The following COL21A1 variants were observed in gnomAD, a reference collection of about 807,000 sequenced individuals.
The protein encoded by COL21A1 is collagen type XXI alpha 1 chain.
A neutral mutation model predicts 137.9 loss-of-function variants in COL21A1; 149 were observed. The ratio of observed to expected loss-of-function variants is 1.08; its 90% CI spans 0.95 to 1.24. The LOEUF is 1.24. Among genes scored for constraint, COL21A1 ranks in the 50% most tolerant of loss-of-function variants. The pLI is 0.00. For missense variants in COL21A1, 1,167 were observed against 1,158.4 expected (o/e 1.01, Z -0.11); for synonymous variants, 456 against 391.5 (o/e 1.16, Z -1.95).
intron 10 of COL21A1, among the ~76,000 whole-genome samples, chr6:56,143,409 C>T (rs1228342464): frequency 1.3e-5 from 2 of 151,882 alleles, no homozygotes; most frequent in Non-Finnish European, 2.9e-5. Context: ...ACCATGTTAG[C>T]CAGGATGGTC....
At chr6:56,291,478 C>A (rs772514492) in intron 1 of COL21A1, among the ~76,000 whole-genome samples, 7 of 152,228 alleles carry the variant, frequency 4.6e-5, no homozygotes, top group Non-Finnish European at 8.8e-5. Flanking sequence ...CCACTTCTGG[C>A]CTTGCAGTCT....
At chr6:56,218,279 A>T (rs1048040730) in intron 1 of COL21A1, among the ~76,000 whole-genome samples, 20 of 146,802 alleles carry the variant, frequency 1.4e-4, no homozygotes, top group African/African-American at 5.0e-4. Flanking sequence ...TTCCTAGCAT[A>T]AAAGTATATG....
intron 1 of COL21A1, among the ~76,000 whole-genome samples, chr6:56,227,617 T>C (rs1226240176): frequency 6.6e-6 from 1 of 152,030 alleles, no homozygotes; most frequent in Non-Finnish European, 1.5e-5. Flanking sequence ...AGATAAAATT[T>C]AATACATATT....
intron 9 of COL21A1, among the ~76,000 whole-genome samples, chr6:56,164,104 T>C (rs941261964): frequency 2.0e-5 from 3 of 152,226 alleles, no homozygotes; most frequent in South Asian, 2.1e-4. Context: ...ATGCCCTTTC[T>C]TCATTTTTTA....
intron 10 of COL21A1, among the ~76,000 whole-genome samples, chr6:56,150,390 C>A (rs62413548): frequency 6.6e-5 from 10 of 151,980 alleles, no homozygotes; most frequent in Admixed American, 3.3e-4. Context: ...TGGTGGCGGG[C>A]GCTTGTAGTC....
chr6:56,374,440 G>C (rs958347745), intron 1 of COL21A1, among the ~76,000 whole-genome samples: 8 of 152,088 alleles, frequency 5.3e-5, no homozygotes, highest in Non-Finnish European at 1.2e-4. Context: ...TAAGTAAAAG[G>C]GATCTTGTGT....
At chr6:56,166,796 TA>T in intron 7 of COL21A1, 109 bp downstream of exon 7, 1 of 854,534 alleles carries the variant, frequency 1.2e-6, no homozygotes, top group Non-Finnish European at 1.9e-6. Flanking sequence ...CATTAAAAAA[TA>T]AAATTAAGTC....
chr6:56,336,628 A>C (rs1765334345), intron 1 of COL21A1, among the ~76,000 whole-genome samples: 1 of 152,218 alleles, frequency 6.6e-6, no homozygotes, highest in African/African-American at 2.4e-5. Context: ...GAATTACTGA[A>C]GAACACAAAT....
At chr6:56,313,989 G>T (rs1003667934) in intron 1 of COL21A1, among the ~76,000 whole-genome samples, 1 of 152,056 alleles carries the variant, frequency 6.6e-6, no homozygotes, top group African/African-American at 2.4e-5. Flanking sequence ...AATAAAGAAG[G>T]TATATATATA....
chr6:56,337,192 A>AT (rs1040913208), intron 1 of COL21A1, among the ~76,000 whole-genome samples: 5 of 152,084 alleles, frequency 3.3e-5, no homozygotes, highest in African/African-American at 1.2e-4. Flanking sequence ...ATTTTTAAAC[A>AT]TTTTCTGGAC....
chr6:56,221,832 T>C (rs558856732), intron 1 of COL21A1, among the ~76,000 whole-genome samples: 2 of 152,272 alleles, frequency 1.3e-5, no homozygotes, highest in East Asian at 3.9e-4. Context: ...ATGCTTCTAT[T>C]TCAGAATCAA....
intron 1 of COL21A1, among the ~76,000 whole-genome samples, chr6:56,237,056 T>G (rs1781951170): frequency 6.6e-6 from 1 of 152,032 alleles, no homozygotes. Context: ...AAAATGTGCC[T>G]TTTTCTCCCT....
At chr6:56,319,776 T>A (rs1764823192) in intron 1 of COL21A1, among the ~76,000 whole-genome samples, 1 of 152,008 alleles carries the variant, frequency 6.6e-6, no homozygotes, top group Non-Finnish European at 1.5e-5. Context: ...AGCTTAGGAG[T>A]TTAGCCATGG....
intron 12 of COL21A1, among the ~76,000 whole-genome samples, chr6:56,127,857 T>C (rs759622065): frequency 3.3e-5 from 5 of 152,190 alleles, no homozygotes; most frequent in Non-Finnish European, 5.9e-5. Flanking sequence ...CTTGAAGTAT[T>C]ATGCTATTAT....
At chr6:56,338,637 C>G (rs138802631) in intron 1 of COL21A1, among the ~76,000 whole-genome samples, 1 of 152,144 alleles carries the variant, frequency 6.6e-6, no homozygotes. Flanking sequence ...AAGATTCAGG[C>G]GGAAGACCAG....
intron 1 of COL21A1, among the ~76,000 whole-genome samples, chr6:56,321,503 A>T (rs1764866868): frequency 6.6e-6 from 1 of 152,140 alleles, no homozygotes; most frequent in Non-Finnish European, 1.5e-5. Context: ...TTTTTTGCTA[A>T]TGATTTCTTA....
intron 16 of COL21A1, among the ~76,000 whole-genome samples, chr6:56,111,709 CA>C (rs35714909): frequency 0.65 from 92,059 of 141,650 alleles, 29,650 homozygotes; most frequent in East Asian, 0.86. Flanking sequence ...ACTAAAAATA[CA>C]AAAAAAAAAA....
At chr6:56,082,441 T>C (rs1767870616) in intron 17 of COL21A1, among the ~76,000 whole-genome samples, 2 of 152,044 alleles carry the variant, frequency 1.3e-5, no homozygotes, top group Non-Finnish European at 1.5e-5. Flanking sequence ...AAATGGGCTC[T>C]GATCCTCTGA....
At chr6:56,381,417 A>G (rs796223015) in intron 1 of COL21A1, among the ~76,000 whole-genome samples, 1 of 152,334 alleles carries the variant, frequency 6.6e-6, no homozygotes, top group South Asian at 2.1e-4. Context: ...AATAAAACCC[A>G]CCTGGTAGAG....
Sources: gnomAD v4.1 joint callset for allele counts (sites outside exome capture counted in the v4.1 genomes callset) on GRCh38, gnomAD v4.1.1 for gene constraint, MANE v1.5 for transcripts, NCBI Gene and HGNC (gene_info 2026-07-23, HGNC 2026-07-21) for gene names.